Variants in CNTNAP2 observed in about 807,000 individuals in gnomAD.
CNTNAP2 encodes contactin associated protein 2, also known as contactin-associated protein-like 2.
Under a neutral mutation model 155.2 loss-of-function variants are expected in CNTNAP2, and 98 were observed. That is an observed-to-expected ratio of 0.63 (90% confidence interval 0.54 to 0.75). CNTNAP2 has a LOEUF of 0.75. Ranked by LOEUF, CNTNAP2 falls within the 30% of genes least tolerant of loss-of-function variation. The pLI, the probability that CNTNAP2 is intolerant of heterozygous loss-of-function variation, is 0.00. For missense variants in CNTNAP2, 1,727 were observed against 1,688.1 expected (o/e 1.02, Z -0.40); for synonymous variants, 651 against 631.2 (o/e 1.03, Z -0.47).
intron 4 of CNTNAP2, among the ~76,000 whole-genome samples, chr7:147,050,203 C>T (rs1442628004): frequency 1.3e-5 from 2 of 152,204 alleles, no homozygotes; most frequent in South Asian, 2.1e-4. Flanking sequence ...TCTTCTTACG[C>T]GATACCAGTG....
At chr7:147,832,589 A>G (rs1246591491) in intron 13 of CNTNAP2, among the ~76,000 whole-genome samples, 2 of 146,130 alleles carry the variant, frequency 1.4e-5, no homozygotes, top group Admixed American at 6.9e-5. Context: ...ATTGAAATAT[A>G]TATTTTTACG....
intron 8 of CNTNAP2, among the ~76,000 whole-genome samples, chr7:147,149,011 C>T (rs980858912): frequency 6.6e-6 from 1 of 152,196 alleles, no homozygotes; most frequent in Non-Finnish European, 1.5e-5. Flanking sequence ...TCTTCCACAG[C>T]ATGGAAGGGG....
At position 146,179,107 on chromosome 7, in the gene CNTNAP2, A is replaced by G. The variant is rs75130393; in HGVS notation, c.97+62134A>G. Among the ~76,000 whole-genome samples the G allele has an allele frequency of 3.6e-4, 55 of 152,302 alleles. No individual in the cohort carries two copies. In the East Asian group the frequency reaches 8.5e-3, roughly 24 times the overall value. ...TTAATTAGTCTGCTCCTCTGTGATC[A>G]CCTAGTGAACATAAGCTCTTTTGGG... On this transcript the variant is annotated intron_variant, in intron 1 of 23. Transcript: ENST00000361727.
intron 10 of CNTNAP2, among the ~76,000 whole-genome samples, chr7:147,429,520 A>G (rs912252519): frequency 4.0e-5 from 6 of 151,680 alleles, no homozygotes; most frequent in South Asian, 2.1e-4. Flanking sequence ...TGGGTTGTCT[A>G]TTTACTCTGC....
At chr7:147,723,595 CA>C (rs1796598512) in intron 13 of CNTNAP2, among the ~76,000 whole-genome samples, 1 of 151,298 alleles carries the variant, frequency 6.6e-6, no homozygotes, top group Non-Finnish European at 1.5e-5. Context: ...ACTCTAGTTG[CA>C]AAACTCTGCT....
intron 13 of CNTNAP2, among the ~76,000 whole-genome samples, chr7:147,741,654 AT>A (rs1796959106): frequency 6.6e-6 from 1 of 152,222 alleles, no homozygotes; most frequent in South Asian, 2.1e-4. Flanking sequence ...CTGGAGTGTC[AT>A]TCCTGAGATA....
intron 12 of CNTNAP2, among the ~76,000 whole-genome samples, chr7:147,630,316 T>TA (rs71183024): frequency 0.32 from 22,833 of 71,558 alleles, 3,291 homozygotes; most frequent in Non-Finnish European, 0.39. Flanking sequence ...GAAACAGTAG[T>TA]AAAAAAAAAA....
intron 1 of CNTNAP2, among the ~76,000 whole-genome samples, chr7:146,469,943 G>T (rs373622290): frequency 1.3e-5 from 2 of 151,306 alleles, no homozygotes; most frequent in Admixed American, 1.3e-4. Flanking sequence ...GGGTTCACGC[G>T]GTTCTCCTGC....
At chr7:146,136,006 C>T (rs533077894) in intron 1 of CNTNAP2, among the ~76,000 whole-genome samples, 15 of 152,016 alleles carry the variant, frequency 9.9e-5, no homozygotes, top group African/African-American at 1.4e-4. Context: ...TTAAGCTTAC[C>T]GATATGTAAA....
intron 13 of CNTNAP2, among the ~76,000 whole-genome samples, chr7:147,853,782 G>A (rs1464485818): frequency 6.6e-6 from 1 of 151,964 alleles, no homozygotes; most frequent in Non-Finnish European, 1.5e-5. Context: ...CTTTTTTATG[G>A]TTAATTTAGA....
intron 1 of CNTNAP2, among the ~76,000 whole-genome samples, chr7:146,611,430 T>C (rs1447000487): frequency 6.6e-6 from 1 of 152,082 alleles, no homozygotes; most frequent in African/African-American, 2.4e-5. Flanking sequence ...AGTGTTTTAG[T>C]TGGAAAAAAA....
chr7:148,022,589 C>A (rs1802302987), intron 15 of CNTNAP2, among the ~76,000 whole-genome samples: 1 of 152,074 alleles, frequency 6.6e-6, no homozygotes, highest in South Asian at 2.1e-4. Context: ...CGGGTTCCAT[C>A]AGTGTGCCCT....
At chr7:148,331,768 T>TGGATGGAAAGGACGGATGGAGTGGAC (rs1798028229) in intron 21 of CNTNAP2, among the ~76,000 whole-genome samples, 1 of 13,146 alleles carries the variant, frequency 7.6e-5, no homozygotes, top group Non-Finnish European at 2.2e-4. Flanking sequence ...ATGGATTGGA[T>TGGATGGAAAGGACGGATGGAGTGGAC]GGATGGAATG....
intron 4 of CNTNAP2, among the ~76,000 whole-genome samples, chr7:147,044,829 A>G (rs1310303951): frequency 2.0e-5 from 3 of 151,596 alleles, no homozygotes; most frequent in African/African-American, 7.3e-5. Context: ...ATGCTTATCC[A>G]TATTCTTTAC....
At chr7:147,881,101 C>G (rs1799512875) in intron 13 of CNTNAP2, among the ~76,000 whole-genome samples, 1 of 152,124 alleles carries the variant, frequency 6.6e-6, no homozygotes, top group African/African-American at 2.4e-5. Flanking sequence ...AGGCATTTCT[C>G]TCTGATATCC....
chr7:146,796,727 A>G (rs2129190443), intron 2 of CNTNAP2, among the ~76,000 whole-genome samples: 1 of 152,246 alleles, frequency 6.6e-6, no homozygotes, highest in South Asian at 2.1e-4. Flanking sequence ...CAACTTCCTT[A>G]TCTATACCAT....
chr7:148,024,173 A>AC lies in CNTNAP2; in HGVS notation c.2383+46184_2383+46185insC, dbSNP rs1554463584. On this transcript the variant is annotated intron_variant, in intron 15 of 23. Transcript: ENST00000361727. ...TTTAAAGTGTAAAAAAAAAAAAAAA[A>AC]AAAAAACTTTATAACATCCTGAGAA... is the stretch of plus-strand genomic sequence containing the variant. 8.1e-5 allele frequency among the ~76,000 whole-genome samples: 12 copies of AC among 147,984 alleles called. No individual in the cohort carries two copies. In the East Asian group the frequency reaches 2.3e-3, roughly 28 times the overall value.
intron 1 of CNTNAP2, among the ~76,000 whole-genome samples, chr7:146,626,700 G>T (rs1013944618): frequency 6.6e-6 from 1 of 152,034 alleles, no homozygotes; most frequent in Non-Finnish European, 1.5e-5. Flanking sequence ...AAAGTAAAAA[G>T]ATACAAAAGA....
At chr7:147,569,861 A>AGGTGTCACCCAGGGCTTG (rs1170547201) in intron 12 of CNTNAP2, among the ~76,000 whole-genome samples, 1 of 152,228 alleles carries the variant, frequency 6.6e-6, no homozygotes, top group Admixed American at 6.5e-5. Context: ...GCTGAGACCA[A>AGGTGTCACCCAGGGCTTG]GGTGTCACCC....
Sources: gnomAD v4.1 joint callset for allele counts (sites outside exome capture counted in the v4.1 genomes callset) on GRCh38, gnomAD v4.1.1 for gene constraint, MANE v1.5 for transcripts, NCBI Gene and HGNC (gene_info 2026-07-23, HGNC 2026-07-21) for gene names.